KDM5B: variants seen among roughly 807,000 people sequenced by gnomAD.
KDM5B encodes lysine-specific demethylase 5B.
KDM5B carries 144 observed loss-of-function variants against 193.4 expected under a neutral mutation model. The observed-to-expected ratio is 0.74, with a 90% CI of 0.65 to 0.86. The LOEUF is 0.86. Ranked by LOEUF, KDM5B falls within the 40% of genes least tolerant of loss-of-function variation. The pLI is 0.00. For missense variants in KDM5B, 1,833 were observed against 1,886.9 expected, an observed-to-expected ratio of 0.97 and a Z score of 0.53; for synonymous variants, 668 against 682.6, an observed-to-expected ratio of 0.98 and a Z score of 0.33.
At position 202,753,000 on chromosome 1, in the gene KDM5B, T is replaced by C. The variant is rs368922689; in HGVS notation, c.1606A>G (p.Lys536Glu). 183 of 1,613,970 alleles carry C rather than the reference T, an allele frequency of 1.1e-4. No individual in the cohort carries two copies. Among genetic ancestry groups the C allele is most frequent in the Non-Finnish European group, 1.5e-4 (181 of 1,179,992 alleles). ...GACACAAAGAGTTCTGGAGCTAGTTTCTTCATTACATTTTCTAGCTGCTCA... is the reference window on the plus strand; with the variant it reads ...GACACAAAGAGTTCTGGAGCTAGTTCCTTCATTACATTTTCTAGCTGCTCA... ...AAEQLENVMK[K>E]LAPELFVSQP... Residue 536 changes from lysine to glutamate, a missense_variant, in exon 12 of 27, where the codon AAA (lysine) becomes GAA (glutamate). Physicochemically the swap from Lys to Glu is moderately conservative, Grantham distance 56. Coordinates refer to ENST00000367265, the MANE Select transcript of KDM5B (RefSeq NM_006618.5).
chr1:202,793,764 A>T (rs1281725554), intron 1 of KDM5B, among the ~76,000 whole-genome samples: 1 of 152,230 alleles, frequency 6.6e-6, no homozygotes, highest in Non-Finnish European at 1.5e-5. Flanking sequence ...TCTTGTCAAA[A>T]AAATCTTGAT....
At chr1:202,783,455 C>A (rs938017050) in intron 1 of KDM5B, among the ~76,000 whole-genome samples, 5 of 147,520 alleles carry the variant, frequency 3.4e-5, no homozygotes, top group African/African-American at 1.3e-4. Flanking sequence ...TAGTGAGCCA[C>A]GATCATGCTA....
intron 1 of KDM5B, among the ~76,000 whole-genome samples, chr1:202,786,463 TAA>T (rs1657416039): frequency 6.6e-6 from 1 of 152,200 alleles, no homozygotes; most frequent in East Asian, 1.9e-4. Flanking sequence ...TTGTATACTG[TAA>T]AAGTTAACAC....
chr1:202,731,557 C>T (rs1018392517), intron 24 of KDM5B, among the ~76,000 whole-genome samples: 1 of 152,202 alleles, frequency 6.6e-6, no homozygotes, highest in African/African-American at 2.4e-5. Flanking sequence ...CATGACTTAG[C>T]ATCTGACTTA....
rs1654687610 is a variant in KDM5B, at chr1:202,726,755, G to A, written c.*2281C>T. 6.6e-6 allele frequency: 1 copy of A among 152,222 alleles called. No homozygotes were observed. The highest frequency in any genetic ancestry group is 2.1e-4 in the South Asian group (1 of 4,828). 9.4% of individuals were successfully genotyped at this position (152,222 alleles called of 1,614,324 possible). On this transcript the variant is annotated 3_prime_UTR_variant, in exon 27 of 27. Transcript: ENST00000367265. ...CACATCAGTCTGTAGTCATTTTAGG[G>A]ATACAACAAAGGCATAAACTGGAAA...
At position 202,746,236 on chromosome 1, in the gene KDM5B, A is replaced by G; in HGVS notation, c.2104T>C (p.Ser702Pro). The change falls in exon 15 of 27, where the codon TCT (serine) becomes CCT (proline). Residue 702 changes from serine to proline, a missense_variant. Ser to Pro is a moderately conservative substitution (Grantham distance 74, BLOSUM62 -1). Coordinates refer to ENST00000367265, the MANE Select transcript of KDM5B (RefSeq NM_006618.5). ...CVKCKTTCFM[S>P]AISCSCKPGL... Reference sequence around the variant, plus strand: ...GGTTTACAAGAACAGGAGATGGCAGACATGAAGCATGTAGTTTTGCATTTT... The same window carrying G: ...GGTTTACAAGAACAGGAGATGGCAGGCATGAAGCATGTAGTTTTGCATTTT... The G allele has an allele frequency of 6.2e-7, 1 of 1,613,724 alleles. No individual in the cohort carries two copies. The highest frequency in any genetic ancestry group is 8.5e-7 in the Non-Finnish European group (1 of 1,179,672).
intron 1 of KDM5B, among the ~76,000 whole-genome samples, chr1:202,791,660 T>C (rs1219555652): frequency 6.6e-6 from 1 of 152,154 alleles, no homozygotes; most frequent in Non-Finnish European, 1.5e-5. Context: ...TTCTATTCCT[T>C]GCATACGTCA....
Position 202,757,716 on chromosome 1 carries a change from TAAATTGATA to T in KDM5B, c.1197+666_1197+674del, listed in dbSNP as rs576988888. 8.5e-4 allele frequency among the ~76,000 whole-genome samples: 130 copies of T among 152,334 alleles called. 1 individual carries two copies. The East Asian group carries it at 0.013, about 16-fold the overall frequency. On this transcript the variant is annotated intron_variant, in intron 9 of 26. Transcript: ENST00000367265. ...TTCACTCATATATTGCTGGGATCCA[TAAATTGATA>T]CAGCAACTGGGATGGAATGAGGGAG...
chr1:202,766,883 G>C, intron 5 of KDM5B, 43 bp downstream of exon 5: 3 of 1,542,832 alleles, frequency 1.9e-6, no homozygotes, highest in Non-Finnish European at 2.6e-6. Flanking sequence ...ATTGGTATTA[G>C]GGCTTGAGAA....
chr1:202,760,320 A>C, intron 8 of KDM5B, 95 bp downstream of exon 8: 1 of 881,752 alleles, frequency 1.1e-6, no homozygotes, highest in Non-Finnish European at 1.7e-6. Context: ...TGTCTAAAAA[A>C]AATAAAATAA....
At chr1:202,764,729 A>G (rs368629761) in intron 5 of KDM5B, among the ~76,000 whole-genome samples, 1 of 152,216 alleles carries the variant, frequency 6.6e-6, no homozygotes, top group African/African-American at 2.4e-5. Context: ...CTGTAATCCC[A>G]GCATTTTGGG....
At chr1:202,732,517 C>G (rs577032475) in intron 23 of KDM5B, among the ~76,000 whole-genome samples, 67 of 152,254 alleles carry the variant, frequency 4.4e-4, no homozygotes, top group Non-Finnish European at 6.3e-4. Flanking sequence ...AATGCCACAA[C>G]TCATCTATGC....
At chr1:202,737,474 A>AT (rs1655138141) in intron 20 of KDM5B, among the ~76,000 whole-genome samples, 3 of 152,222 alleles carry the variant, frequency 2.0e-5, no homozygotes, top group Admixed American at 6.5e-5. Context: ...GTTATGGAGG[A>AT]TGAAATGCAT....
intron 1 of KDM5B, among the ~76,000 whole-genome samples, chr1:202,778,680 T>C (rs763061742): frequency 4.6e-5 from 7 of 152,226 alleles, no homozygotes; most frequent in Non-Finnish European, 8.8e-5. Context: ...TGGAGTACAA[T>C]GACGTGACCT....
chr1:202,729,737 A>G lies in KDM5B; in HGVS notation c.4467T>C (p.Ala1489=), dbSNP rs1185250253. 1 of 1,613,936 alleles carries G rather than the reference A, an allele frequency of 6.2e-7. No homozygotes were observed. The highest frequency in any genetic ancestry group is 1.7e-5 in the Admixed American group (1 of 60,000). The change falls in exon 26 of 27, where the codon GCT becomes GCC. Residue 1489 remains alanine, a synonymous_variant. Transcript: ENST00000367265. ...CTCCTTCTGGCTGCAGGCAGCTCACAGCTGGGCAGATGGCATCTTCATCCT... is the reference window on the plus strand; with the variant it reads ...CTCCTTCTGGCTGCAGGCAGCTCACGGCTGGGCAGATGGCATCTTCATCCT... The part of the protein sequence containing the change: ...DSEDEDAICP[A]VSCLQPEGDE...
In KDM5B at chr1:202,767,053, T is replaced by C; in HGVS notation, c.584A>G (p.Gln195Arg). ...FLSGDSLRCLQKPNLTTDTKD... is the reference protein window; with the variant it reads ...FLSGDSLRCLRKPNLTTDTKD... ...AGTGTCTGTGGTCAGGTTTGGCTTC[T>C]GCAAACACTAGAAATAACAACTGTA... The change falls in exon 5 of 27, where the codon CAG becomes CGG. Residue 195 changes from glutamine to arginine, a missense_variant. By Grantham distance (43) the Gln-to-Arg change is conservative (BLOSUM62 1). Around this residue, in one of 3 missense-constraint regions of KDM5B, gnomAD observed 355 missense variants for 374.9 expected, o/e 0.95. Coordinates refer to ENST00000367265, the MANE Select transcript of KDM5B (RefSeq NM_006618.5). 4 of 1,609,620 alleles carry C rather than the reference T, an allele frequency of 2.5e-6. No homozygotes were observed. The highest frequency in any genetic ancestry group is 1.7e-6 in the Non-Finnish European group (2 of 1,179,014).
intron 1 of KDM5B, among the ~76,000 whole-genome samples, chr1:202,789,616 G>GGGGGAGGTGAGGGGAGGGGAAGGGAAGA: frequency 6.7e-6 from 1 of 149,334 alleles, no homozygotes; most frequent in East Asian, 2.0e-4. Flanking sequence ...AAAGGGGAAT[G>GGGGGAGGTGAGGGGAGGGGAAGGGAAGA]GAAAGGAAAG....
chr1:202,729,680 G>A (rs768032326), intron 26 of KDM5B, 27 bp downstream of exon 26: 28 of 1,590,930 alleles, frequency 1.8e-5, no homozygotes, highest in African/African-American at 4.0e-5. Flanking sequence ...GGGAAAGCAC[G>A]TCCTCTATGG....
At chr1:202,808,011 C>T in intron 1 of KDM5B, 91 bp downstream of exon 1, 3 of 1,323,246 alleles carry the variant, frequency 2.3e-6, no homozygotes, top group Non-Finnish European at 3.0e-6. Context: ...GACCGGCTCC[C>T]CGCCCCCCGC....
Sources: allele counts gnomAD v4.1 joint callset (sites outside exome capture counted in the v4.1 genomes callset), GRCh38; gene constraint gnomAD v4.1.1; regional missense constraint gnomAD v4.1.1; transcripts MANE v1.5; gene names NCBI Gene and HGNC (gene_info 2026-07-23, HGNC 2026-07-21).